Variants in TRIM5 observed in about 807,000 individuals in gnomAD.
The protein encoded by TRIM5 is tripartite motif-containing protein 5.
A neutral mutation model predicts 35.6 loss-of-function variants in TRIM5; 31 were observed. That is an observed-to-expected ratio of 0.87 (90% CI 0.65 to 1.18). The LOEUF (loss-of-function observed/expected upper bound fraction) is 1.18, where lower values mean the gene tolerates loss of function less well. Ranked by LOEUF, TRIM5 falls within the 50% of genes most tolerant of loss-of-function variation. TRIM5 has a pLI of 0.00. For missense variants in TRIM5, 609 were observed against 591.6 expected, an observed-to-expected ratio of 1.03 and a Z score of -0.31; for synonymous variants, 243 against 215.6, an observed-to-expected ratio of 1.13 and a Z score of -1.11.
the TRIM5 span, among the ~76,000 whole-genome samples, chr11:5,600,104 T>A: frequency 4.6e-5 from 7 of 152,186 alleles, no homozygotes; most frequent in African/African-American, 1.7e-4. Flanking sequence ...ACCAGTTAGA[T>A]GCACAGAGTT....
the TRIM5 span, chr11:5,641,299 T>G: frequency 6.3e-7 from 1 of 1,575,834 alleles, no homozygotes; most frequent in Non-Finnish European, 8.6e-7. Context: ...AGTAGTAAAA[T>G]TTGGATGTAT....
chr11:5,616,105 C>CA, the TRIM5 span, among the ~76,000 whole-genome samples: 1,275 of 150,940 alleles, frequency 8.4e-3, 10 homozygotes, highest in African/African-American at 0.024. Flanking sequence ...CGCCCACCAC[C>CA]ACGCCCGGCT....
the TRIM5 span, chr11:5,632,161 TG>T: frequency 6.7e-7 from 1 of 1,488,510 alleles, no homozygotes. Flanking sequence ...CTTTGTTCTT[TG>T]ATATTGCAGT....
the TRIM5 span, chr11:5,589,946 G>GTGGGCT: frequency 6.5e-6 from 1 of 154,154 alleles, no homozygotes; most frequent in Non-Finnish European, 1.4e-5. Context: ...CCGGGTGGGC[G>GTGGGCT]TGGGCTTGGC....
chr11:5,678,464 C>T, intron 3 of TRIM5, 30 bp from the exon 4 acceptor site: 1 of 1,474,066 alleles, frequency 6.8e-7, no homozygotes, highest in East Asian at 2.4e-5. Context: ...GAAAGGGGCA[C>T]TCAGTCTACC....
chr11:5,588,680 T>G, the TRIM5 span, among the ~76,000 whole-genome samples: 1 of 151,378 alleles, frequency 6.6e-6, no homozygotes, highest in East Asian at 2.0e-4. Context: ...TAAAAAGCAC[T>G]TGTTTACATG....
the TRIM5 span, among the ~76,000 whole-genome samples, chr11:5,620,515 T>C: frequency 6.6e-6 from 1 of 152,258 alleles, no homozygotes; most frequent in South Asian, 2.1e-4. Context: ...TTTTTTTCTC[T>C]TGTGAGGGTT....
At chr11:5,665,778 T>C (rs1002701122) in intron 6 of TRIM5, 96 bp from the exon 7 acceptor site, 2 of 1,465,190 alleles carry the variant, frequency 1.4e-6, no homozygotes, top group African/African-American at 2.9e-5. Flanking sequence ...AGGTATGCCC[T>C]ATGGTAGGGC....
At position 5,663,709 on chromosome 11, in the gene TRIM5, A is replaced by G. The variant is rs1850920844; in HGVS notation, c.*1100T>C. On this transcript the variant is annotated 3_prime_UTR_variant, in exon 8 of 8. Coordinates refer to ENST00000380034, the MANE Select transcript of TRIM5 (RefSeq NM_033034.3). Reference sequence around the variant, plus strand: ...GTTTTGATACATGTATACATTGCGTAATAACCGAACCAGGGTAATTAGCAT... The same window carrying G: ...GTTTTGATACATGTATACATTGCGTGATAACCGAACCAGGGTAATTAGCAT... The G allele has an allele frequency of 2.3e-6, 1 of 444,000 alleles. No individual in the cohort carries two copies. The highest frequency in any genetic ancestry group is 3.0e-6 in the Non-Finnish European group (1 of 335,296). The allele number at this position is 444,000 out of a possible 1,614,324, so 27.5% of individuals were successfully genotyped here.
At chr11:5,657,117 AAT>A in the TRIM5 span, among the ~76,000 whole-genome samples, 200 of 152,306 alleles carry the variant, frequency 1.3e-3, 1 homozygote, top group East Asian at 0.029. Flanking sequence ...TACATCATGG[AAT>A]ACTATGCAGC....
At chr11:5,608,272 T>G in the TRIM5 span, 1 of 1,540,458 alleles carries the variant, frequency 6.5e-7, no homozygotes, top group Non-Finnish European at 8.8e-7. Context: ...AGGATTATCT[T>G]TATTTGTATC....
At chr11:5,613,031 G>GAC in the TRIM5 span, 1 of 152,002 alleles carries the variant, frequency 6.6e-6, no homozygotes, top group East Asian at 1.9e-4. Flanking sequence ...ATTTCTATTG[G>GAC]ACAACTCTGG....
At chr11:5,655,720 T>C in the TRIM5 span, 1 of 984,562 alleles carries the variant, frequency 1.0e-6, no homozygotes, top group Non-Finnish European at 1.2e-6. Context: ...AAGAATAAGA[T>C]AGATAACCGG....
chr11:5,614,199 TG>T, the TRIM5 span, among the ~76,000 whole-genome samples: 1 of 152,152 alleles, frequency 6.6e-6, no homozygotes, highest in Non-Finnish European at 1.5e-5. Flanking sequence ...ACTAAAGAAA[TG>T]TACTTCTTGT....
chr11:5,634,551 C>T, the TRIM5 span: 1 of 1,014,728 alleles, frequency 9.9e-7, no homozygotes, highest in Non-Finnish European at 1.4e-6. Context: ...ATATATATTT[C>T]CCTACTGGCT....
the TRIM5 span, among the ~76,000 whole-genome samples, chr11:5,637,130 G>T: frequency 1.3e-5 from 2 of 151,902 alleles, no homozygotes; most frequent in Admixed American, 6.6e-5. Context: ...CCAAGATGGC[G>T]CCACTGCACT....
At chr11:5,591,455 C>T in the TRIM5 span, among the ~76,000 whole-genome samples, 1 of 152,168 alleles carries the variant, frequency 6.6e-6, no homozygotes, top group Non-Finnish European at 1.5e-5. Flanking sequence ...TGGAGACCAG[C>T]CTGACCAACA....
At chr11:5,676,699 A>G (rs2134096728) in intron 4 of TRIM5, among the ~76,000 whole-genome samples, 1 of 149,878 alleles carries the variant, frequency 6.7e-6, no homozygotes, top group African/African-American at 2.4e-5. Context: ...CTGACTTCAA[A>G]CTATACTACA....
the TRIM5 span, among the ~76,000 whole-genome samples, chr11:5,640,196 T>A: frequency 6.6e-6 from 1 of 152,200 alleles, no homozygotes; most frequent in South Asian, 2.1e-4. Flanking sequence ...TTGTCTTTTC[T>A]GATCTTCGGG....
Sources: gnomAD v4.1 joint callset for allele counts (sites outside exome capture counted in the v4.1 genomes callset) on GRCh38, gnomAD v4.1.1 for gene constraint, MANE v1.5 for transcripts, NCBI Gene and HGNC (gene_info 2026-07-23, HGNC 2026-07-21) for gene names.